The following GREM2 variants were observed in gnomAD, a reference collection of about 807,000 sequenced individuals.
GREM2 encodes the protein gremlin-2.
A neutral mutation model predicts 14.2 loss-of-function variants in GREM2; 11 were observed. That is an observed-to-expected ratio of 0.78 (90% CI 0.49 to 1.28). The LOEUF is 1.28. GREM2 is among the 50% of genes most tolerant of loss of function. GREM2 has a pLI of 0.00. For synonymous variants in GREM2, 98 were observed against 97.6 expected, an observed-to-expected ratio of 1.00 and a Z score of -0.02; for missense variants, 210 against 218.5, an observed-to-expected ratio of 0.96 and a Z score of 0.24.
intron 1 of GREM2, among the ~76,000 whole-genome samples, chr1:240,603,091 A>G (rs1328586383): frequency 6.6e-6 from 1 of 152,276 alleles, no homozygotes; most frequent in South Asian, 2.1e-4. Context: ...TCAAAAAAAA[A>G]TAAAATAGAG....
intron 1 of GREM2, among the ~76,000 whole-genome samples, chr1:240,521,690 A>T (rs1290902792): frequency 6.6e-6 from 1 of 152,182 alleles, no homozygotes; most frequent in African/African-American, 2.4e-5. Flanking sequence ...CACACTAGAG[A>T]ACTTGCCTGG....
chr1:240,570,333 G>A (rs552177045), intron 1 of GREM2, among the ~76,000 whole-genome samples: 2 of 152,134 alleles, frequency 1.3e-5, no homozygotes, highest in African/African-American at 2.4e-5. Flanking sequence ...ATGGTGGCGC[G>A]TGCCTGTAGT....
intron 1 of GREM2, among the ~76,000 whole-genome samples, chr1:240,609,378 C>T (rs1481398697): frequency 6.6e-6 from 1 of 152,074 alleles, no homozygotes; most frequent in East Asian, 1.9e-4. Flanking sequence ...CTGAGGACCA[C>T]ATTTTAGCCT....
rs373451974 is a variant in GREM2, at chr1:240,572,617, T to G, written c.-2+39267A>C. Among the ~76,000 whole-genome samples, 6 of 152,310 alleles carry G rather than the reference T, an allele frequency of 3.9e-5. No homozygotes were observed. In the East Asian group the frequency reaches 1.2e-3, roughly 29 times the overall value. On this transcript the variant is annotated intron_variant, in intron 1 of 1. Coordinates refer to ENST00000318160, the MANE Select transcript of GREM2 (RefSeq NM_022469.4). ...ATTATAGGGAGTTAAAACCAAACTA[T>G]TTTCTTCCAGTTGTGAGATACACAT...
At position 240,547,924 on chromosome 1, in the gene GREM2, T is replaced by C. The variant is rs567855797; in HGVS notation, c.-1-54448A>G. Among the ~76,000 whole-genome samples, 3 of 151,766 alleles carry C rather than the reference T, an allele frequency of 2.0e-5. 1 individual carries two copies. In the Middle Eastern group the frequency reaches 0.01, roughly 520 times the overall value. On this transcript the variant is annotated intron_variant, in intron 1 of 1. Transcript: ENST00000318160. ...AGAGAATACTAAATATGTTATCTGA[T>C]GGGAGAAGAAAGAGAAAGGAAGGTA...
In GREM2 at chr1:240,492,964, G is replaced by A. The variant is rs201721326; in HGVS notation, c.*5C>T. 168 of 1,517,362 alleles carry A rather than the reference G, an allele frequency of 1.1e-4. No homozygotes were observed. The highest frequency in any genetic ancestry group is 1.4e-4 in the Non-Finnish European group (162 of 1,128,980). The allele number at this position is 1,517,362 out of a possible 1,614,324, so 94.0% of individuals were successfully genotyped here. ...CGCGGGGCTGAGCTGCGTCCGGCCC[G>A]GCGCTCACTGCTTGTCCGAGTCGCT... On this transcript the variant is annotated 3_prime_UTR_variant, in exon 2 of 2. Coordinates refer to ENST00000318160, the MANE Select transcript of GREM2 (RefSeq NM_022469.4).
At chr1:240,563,232 AGTGT>A (rs372381241) in intron 1 of GREM2, among the ~76,000 whole-genome samples, 3 of 150,138 alleles carry the variant, frequency 2.0e-5, no homozygotes, top group African/African-American at 5.0e-5. Flanking sequence ...TGTGCGTGAG[AGTGT>A]GTGTGTATGC....
chr1:240,552,273 A>G lies in GREM2; in HGVS notation c.-1-58797T>C, dbSNP rs75189159. ...GGAGCTTTCATTTTCTAAAAAACACATTTCCCTATATAGAAAGACAGTTTT... is the reference window on the plus strand; with the variant it reads ...GGAGCTTTCATTTTCTAAAAAACACGTTTCCCTATATAGAAAGACAGTTTT... On this transcript the variant is annotated intron_variant, in intron 1 of 1. Transcript: ENST00000318160. Among the ~76,000 whole-genome samples, 1,290 of 152,134 alleles carry G rather than the reference A, an allele frequency of 8.5e-3. 33 individuals carry two copies. Among genetic ancestry groups the G allele is most frequent in the East Asian group, 0.074 (381 of 5,148 alleles).
chr1:240,574,487 C>T (rs1294356220), intron 1 of GREM2, among the ~76,000 whole-genome samples: 1 of 151,114 alleles, frequency 6.6e-6, no homozygotes, highest in East Asian at 2.0e-4. Context: ...TGCTTTTACT[C>T]TAAGAAGGGA....
chr1:240,559,011 G>A (rs1678995281), intron 1 of GREM2, among the ~76,000 whole-genome samples: 1 of 151,938 alleles, frequency 6.6e-6, no homozygotes, highest in Admixed American at 6.6e-5. Flanking sequence ...AAGAAAATGT[G>A]GCCTCCCACA....
At chr1:240,510,192 AC>A (rs1677780184) in intron 1 of GREM2, among the ~76,000 whole-genome samples, 1 of 151,640 alleles carries the variant, frequency 6.6e-6, no homozygotes, top group Non-Finnish European at 1.5e-5. Flanking sequence ...ACACGGTGAA[AC>A]CCCGTCTCCA....
At position 240,543,853 on chromosome 1, in the gene GREM2, C is replaced by A. The variant is rs569853967; in HGVS notation, c.-1-50377G>T. On this transcript the variant is annotated intron_variant, in intron 1 of 1. Coordinates refer to ENST00000318160, the MANE Select transcript of GREM2 (RefSeq NM_022469.4). The surrounding 1 kb of genome is among the most constrained non-coding windows in gnomAD (Gnocchi z 6.4). ...GAGAAATGCCCTATATAATGTGAGA[C>A]TATTATAATTTTAAAAGTATATTAT... Among the ~76,000 whole-genome samples, 8 of 152,166 alleles carry A rather than the reference C, an allele frequency of 5.3e-5. No individual in the cohort carries two copies. The South Asian group carries it at 1.7e-3, about 32-fold the overall frequency.
At chr1:240,544,183 T>C (rs1335760623) in intron 1 of GREM2, among the ~76,000 whole-genome samples, 1 of 150,782 alleles carries the variant, frequency 6.6e-6, no homozygotes, top group African/African-American at 2.5e-5. Context: ...AGTCTCGCTC[T>C]GTCGCCCAGG....
intron 1 of GREM2, among the ~76,000 whole-genome samples, chr1:240,524,421 T>C (rs898876699): frequency 1.3e-5 from 2 of 152,208 alleles, no homozygotes; most frequent in Non-Finnish European, 2.9e-5. Context: ...TGAGATAGAA[T>C]AGGGAGTTCA....
intron 1 of GREM2, among the ~76,000 whole-genome samples, chr1:240,551,273 T>C (rs1047345596): frequency 3.3e-5 from 5 of 152,152 alleles, no homozygotes; most frequent in Non-Finnish European, 5.9e-5. Context: ...AAAACAAAAA[T>C]TGATTTGCAT....
chr1:240,596,418 C>T (rs139178576), intron 1 of GREM2, among the ~76,000 whole-genome samples: 66 of 152,228 alleles, frequency 4.3e-4, no homozygotes, highest in African/African-American at 1.2e-3. Flanking sequence ...GGTGGCTTGC[C>T]GGGCACGGTA....
chr1:240,602,822 C>T (rs565998955), intron 1 of GREM2, among the ~76,000 whole-genome samples: 3 of 151,064 alleles, frequency 2.0e-5, no homozygotes, highest in Admixed American at 1.3e-4. Flanking sequence ...CAAAAAAAAT[C>T]CAGCACTTTG....
At chr1:240,555,574 C>T (rs745685463) in intron 1 of GREM2, among the ~76,000 whole-genome samples, 34 of 152,332 alleles carry the variant, frequency 2.2e-4, no homozygotes, top group African/African-American at 7.7e-4. Flanking sequence ...GGTGTGCCCT[C>T]TTGCTGTCTC....
intron 1 of GREM2, among the ~76,000 whole-genome samples, chr1:240,584,893 G>A (rs1366583734): frequency 2.0e-5 from 3 of 152,084 alleles, no homozygotes; most frequent in South Asian, 4.1e-4. Flanking sequence ...TATCCACAGA[G>A]GACCTAGAAA....
Sources: gnomAD v4.1 joint callset for allele counts (sites outside exome capture counted in the v4.1 genomes callset) on GRCh38, gnomAD v4.1.1 for gene constraint, Gnocchi (gnomAD v3.1) non-coding constraint, MANE v1.5 for transcripts, NCBI Gene and HGNC (gene_info 2026-07-23, HGNC 2026-07-21) for gene names.